The following SGSM2 variants were observed in gnomAD, a reference collection of about 807,000 sequenced individuals.
SGSM2 encodes small G protein signaling modulator 2.
SGSM2 carries 89 observed loss-of-function variants against 126.6 expected under a neutral mutation model. The ratio of observed to expected loss-of-function variants is 0.70; its 90% CI spans 0.59 to 0.84. The LOEUF (loss-of-function observed/expected upper bound fraction) is 0.84, where lower values mean the gene tolerates loss of function less well. Among genes scored for constraint, SGSM2 ranks in the 40% least tolerant of loss-of-function variants. SGSM2 has a pLI of 0.00. For synonymous variants in SGSM2, 614 were observed against 574.3 expected (o/e 1.07, Z -0.99); for missense variants, 1,404 against 1,416.6 (o/e 0.99, Z 0.14).
rs796459356 is a variant in SGSM2 at position 2,363,262 on chromosome 17, CCTT to C, written c.672+131_672+133del. The C allele has an allele frequency of 2.1e-4, 276 of 1,340,726 alleles. 7 individuals carry two copies. In the South Asian group the frequency reaches 3.8e-3, roughly 18 times the overall value. The allele number at this position is 1,340,726 out of a possible 1,614,324, so 83.1% of individuals were successfully genotyped here. On this transcript the variant is annotated intron_variant, in intron 6 of 23. Transcript: ENST00000268989. The surrounding 1 kb of genome is among the most constrained non-coding windows in gnomAD (Gnocchi z 4.2). The stretch of plus-strand genomic sequence containing the variant: ...CAAGGTAGCGGCTGCCTCAGAAGAG[CCTT>C]CTCCGCACAATAAAACTTAACACAA...
chr17:2,340,798 A>G (rs528100814), intron 1 of SGSM2, among the ~76,000 whole-genome samples: 21 of 151,986 alleles, frequency 1.4e-4, no homozygotes, highest in Non-Finnish European at 2.8e-4. Context: ...GTTAGCCAGG[A>G]TGGTCTCGAT....
intron 2 of SGSM2, among the ~76,000 whole-genome samples, chr17:2,348,501 C>T (rs1418036989): frequency 6.6e-6 from 1 of 152,154 alleles, no homozygotes; most frequent in Non-Finnish European, 1.5e-5. Flanking sequence ...AAGGAGGGAG[C>T]TCTGAAGGAG....
In SGSM2 at chr17:2,373,391, G is replaced by A; in HGVS notation, c.1978G>A (p.Val660Met). The A allele has an allele frequency of 6.2e-7, 1 of 1,612,932 alleles. No individual in the cohort carries two copies. The highest frequency in any genetic ancestry group is 8.5e-7 in the Non-Finnish European group (1 of 1,179,976). Reference protein sequence around the residue: ...QVLAEWKACEVVVRQREREAH... With the variant: ...QVLAEWKACEMVVRQREREAH... ...GTTGGCAGAGTGGAAGGCCTGCGAGGTGGTGGTGAGGCAGCGGGAGCGGGA... is the reference window on the plus strand; with the variant it reads ...GTTGGCAGAGTGGAAGGCCTGCGAGATGGTGGTGAGGCAGCGGGAGCGGGA... The change falls in exon 17 of 24, where the codon GTG becomes ATG. Residue 660 changes from valine (V) to methionine (M), a missense_variant. Physicochemically the swap from Val to Met is conservative, Grantham distance 21. Coordinates refer to ENST00000268989, the MANE Select transcript of SGSM2 (RefSeq NM_014853.3).
In SGSM2 at chr17:2,337,608, T is replaced by G; in HGVS notation, c.-81T>G. On this transcript the variant is annotated 5_prime_UTR_variant, in exon 1 of 24. Transcript: ENST00000268989. The surrounding 1 kb of genome is among the most constrained non-coding windows in gnomAD (Gnocchi z 5.1). ...GCGGGCGGGGGCTCCGCCTTGCGCG[T>G]GGGGCGCTGAGCCGAGAGGCGCGGA... 8.0e-6 allele frequency: 8 copies of G among 1,000,450 alleles called. No homozygotes were observed. The highest frequency in any genetic ancestry group is 1.7e-5 in the African/African-American group (1 of 57,412). 62.0% of individuals were successfully genotyped at this position (1,000,450 alleles called of 1,614,324 possible). A position where few individuals can be genotyped will look rare whatever the true frequency, so the allele number is the denominator to read the frequency against.
chr17:2,373,013 C>T lies in SGSM2; in HGVS notation c.1849C>T (p.Arg617Cys), dbSNP rs376657532. Residue 617 changes from arginine to cysteine, a missense_variant, in exon 16 of 24, where the codon CGC (arginine) becomes TGC (cysteine). Arg to Cys is a radical substitution (Grantham distance 180). Coordinates refer to ENST00000268989, the MANE Select transcript of SGSM2 (RefSeq NM_014853.3). Reference protein sequence around the residue: ...VYYGGIEHEIRKDVWPFLLGH... With the variant: ...VYYGGIEHEICKDVWPFLLGH... ...CTACGGAGGCATAGAGCACGAGATC[C>T]GCAAGGACGTCTGGCCCTTTCTGCT... 2.9e-5 allele frequency: 46 copies of T among 1,600,208 alleles called. No homozygotes were observed. Among genetic ancestry groups the T allele is most frequent in the Admixed American group, 6.9e-5 (4 of 57,930 alleles).
At chr17:2,347,940 T>C (rs1245588720) in intron 2 of SGSM2, among the ~76,000 whole-genome samples, 1 of 152,086 alleles carries the variant, frequency 6.6e-6, no homozygotes, top group Non-Finnish European at 1.5e-5. Context: ...CCCCCAGGGA[T>C]TGGGGCAGAC....
chr17:2,380,005 A>C lies in SGSM2; in HGVS notation c.*485A>C. The C allele has an allele frequency of 7.2e-7, 1 of 1,387,494 alleles. No homozygotes were observed. The highest frequency in any genetic ancestry group is 1.5e-5 in the African/African-American group (1 of 68,408). 85.9% of individuals were successfully genotyped at this position (1,387,494 alleles called of 1,614,324 possible). A position where few individuals can be genotyped will look rare whatever the true frequency, so the allele number is the denominator to read the frequency against. On this transcript the variant is annotated 3_prime_UTR_variant, in exon 24 of 24. Coordinates refer to ENST00000268989, the MANE Select transcript of SGSM2 (RefSeq NM_014853.3). ...GCACCAGCCCCAGCTGGAGCAACCAAAACTGCTTCTGGTTTAGGCACACGT... is the reference window on the plus strand; with the variant it reads ...GCACCAGCCCCAGCTGGAGCAACCACAACTGCTTCTGGTTTAGGCACACGT...
chr17:2,362,746 TG>T lies in SGSM2; in HGVS notation c.459-90del. On this transcript the variant is annotated intron_variant, in intron 4 of 23. Coordinates refer to ENST00000268989, the MANE Select transcript of SGSM2 (RefSeq NM_014853.3). The surrounding 1 kb of genome is among the most constrained non-coding windows in gnomAD (Gnocchi z 4.9). ...TGTTTCTTGATGACTGATCTGAATC[TG>T]GTCTTTGTGGGGATGTCCCTACCTG... 1.6e-6 allele frequency: 2 copies of T among 1,254,774 alleles called. No homozygotes were observed. The highest frequency in any genetic ancestry group is 2.3e-6 in the Non-Finnish European group (2 of 867,626). The allele number at this position is 1,254,774 out of a possible 1,614,324, so 77.7% of individuals were successfully genotyped here. A position where few individuals can be genotyped will look rare whatever the true frequency, so the allele number is the denominator to read the frequency against.
Position 2,372,682 on chromosome 17 carries a change from T to A in SGSM2, c.1788+194T>A. Reference sequence around the variant, plus strand: ...GGAAGGGGGCTGGACTGGGAAGCCGTCCTGCCTCCACATCGCCCTGTGACC... The same window carrying A: ...GGAAGGGGGCTGGACTGGGAAGCCGACCTGCCTCCACATCGCCCTGTGACC... On this transcript the variant is annotated intron_variant, in intron 15 of 23. Coordinates refer to ENST00000268989, the MANE Select transcript of SGSM2 (RefSeq NM_014853.3). The surrounding 1 kb of genome is among the most constrained non-coding windows in gnomAD (Gnocchi z 6.0). 1.2e-6 allele frequency: 1 copy of A among 868,860 alleles called. No individual in the cohort carries two copies. The highest frequency in any genetic ancestry group is 1.8e-6 in the Non-Finnish European group (1 of 562,898). The allele number at this position is 868,860 out of a possible 1,614,324, so 53.8% of individuals were successfully genotyped here. A position where few individuals can be genotyped will look rare whatever the true frequency, so the allele number is the denominator to read the frequency against.
intron 2 of SGSM2, among the ~76,000 whole-genome samples, chr17:2,353,766 TA>T (rs56109750): frequency 1.7e-4 from 25 of 149,184 alleles, no homozygotes; most frequent in African/African-American, 4.7e-4. Flanking sequence ...ACTCTGTCTT[TA>T]AAAAAAAAAG....
chr17:2,365,191 G>A (rs1406105513), intron 10 of SGSM2, 24 bp from the exon 11 acceptor site: 6 of 1,601,242 alleles, frequency 3.7e-6, no homozygotes, highest in African/African-American at 1.3e-5. Flanking sequence ...TATACAGCCC[G>A]ACCACCTACC....
In SGSM2 at chr17:2,367,414, C is replaced by T. The variant is rs1374765979; in HGVS notation, c.1423+9C>T. On this transcript the variant is annotated intron_variant, in intron 12 of 23. Coordinates refer to ENST00000268989, the MANE Select transcript of SGSM2 (RefSeq NM_014853.3). The surrounding 1 kb of genome is among the most constrained non-coding windows in gnomAD (Gnocchi z 4.0). ...TCCCAATCCGATGAAAGGTTCTTAT[C>T]CCTCCCTCTCCCTGACCCACCTCAT... 6.2e-7 allele frequency: 1 copy of T among 1,610,666 alleles called. No homozygotes were observed. The highest frequency in any genetic ancestry group is 1.9e-4 in the Middle Eastern group (1 of 5,328).
At chr17:2,376,393 C>A in intron 19 of SGSM2, 132 bp downstream of exon 19, 8 of 1,190,584 alleles carry the variant, frequency 6.7e-6, no homozygotes, top group Non-Finnish European at 9.3e-6. Flanking sequence ...CTGCCTGGAA[C>A]GCTTTTTTCC....
Position 2,352,406 on chromosome 17 carries a change from CT to C in SGSM2, c.133+8787del, listed in dbSNP as rs1249800643. ...GTGTGGCAGCGGTGGCTGAACTCCC[CT>C]GTCGTGCAGATGGCAGCTGGTAGCA... On this transcript the variant is annotated intron_variant, in intron 2 of 23. Coordinates refer to ENST00000268989, the MANE Select transcript of SGSM2 (RefSeq NM_014853.3). Among the ~76,000 whole-genome samples, 8 of 152,326 alleles carry C rather than the reference CT, an allele frequency of 5.3e-5. No homozygotes were observed. In the East Asian group the frequency reaches 1.5e-3, roughly 29 times the overall value.
intron 2 of SGSM2, among the ~76,000 whole-genome samples, chr17:2,360,787 T>A (rs2151554868): frequency 6.6e-6 from 1 of 152,344 alleles, no homozygotes; most frequent in Middle Eastern, 3.4e-3. Context: ...CAGACACACC[T>A]GGACGTGGCA....
intron 2 of SGSM2, among the ~76,000 whole-genome samples, chr17:2,351,953 A>C (rs1451224801): frequency 6.6e-6 from 1 of 152,152 alleles, no homozygotes; most frequent in South Asian, 2.1e-4. Flanking sequence ...AATGCACCCT[A>C]GTTACCGCAG....
chr17:2,342,487 G>A (rs2064416242), intron 1 of SGSM2, among the ~76,000 whole-genome samples: 2 of 152,076 alleles, frequency 1.3e-5, no homozygotes, highest in Non-Finnish European at 2.9e-5. Flanking sequence ...TCAGGAGAGT[G>A]GGTACCCTTA....
At chr17:2,364,717 A>G (rs1412960327) in intron 9 of SGSM2, 54 bp downstream of exon 9, 2 of 1,599,926 alleles carry the variant, frequency 1.3e-6, no homozygotes, top group Middle Eastern at 1.7e-4. Flanking sequence ...GCCTTCTGCC[A>G]GCTGTGCACT....
intron 2 of SGSM2, among the ~76,000 whole-genome samples, chr17:2,359,286 G>T (rs944402598): frequency 6.6e-6 from 1 of 152,124 alleles, no homozygotes; most frequent in Non-Finnish European, 1.5e-5. Flanking sequence ...CACTGCACGC[G>T]ATAACATATT....
Sources: allele counts gnomAD v4.1 joint callset (sites outside exome capture counted in the v4.1 genomes callset), GRCh38; gene constraint gnomAD v4.1.1; non-coding constraint Gnocchi (gnomAD v3.1); transcripts MANE v1.5; gene names NCBI Gene and HGNC (gene_info 2026-07-23, HGNC 2026-07-21).